ELAPOR2: variants seen among roughly 807,000 people sequenced by gnomAD.
The protein encoded by ELAPOR2 is endosome-lysosome associated apoptosis and autophagy regulator family member 2.
ELAPOR2 carries 89 observed loss-of-function variants against 120.7 expected under a neutral mutation model. The observed-to-expected ratio is 0.74, with a 90% CI of 0.62 to 0.88. ELAPOR2 has a LOEUF of 0.88. Among genes scored for constraint, ELAPOR2 ranks in the 40% least tolerant of loss-of-function variants. The pLI, the probability that ELAPOR2 is intolerant of heterozygous loss-of-function variation, is 0.00. For missense variants in ELAPOR2, 1,134 were observed against 1,251.6 expected (o/e 0.91, Z 1.42); for synonymous variants, 444 against 444.9 (o/e 1.00, Z 0.03).
At position 86,905,411 on chromosome 7, in the gene ELAPOR2, T is replaced by C. The variant is rs1046879266; in HGVS notation, c.2558+2259A>G. Among the ~76,000 whole-genome samples, 4 of 152,052 alleles carry C rather than the reference T, an allele frequency of 2.6e-5. No individual in the cohort carries two copies. In the East Asian group the frequency reaches 7.7e-4, roughly 29 times the overall value. ...GTTCTGATCTCCGAGCTCCCCCTTG[T>C]GCCCTGATGGGAAATTGATTCAAGA... On this transcript the variant is annotated intron_variant, in intron 18 of 21. Coordinates refer to ENST00000450689, the MANE Select transcript of ELAPOR2 (RefSeq NM_001142749.3).
At chr7:86,918,193 A>G (rs1789652680) in intron 12 of ELAPOR2, among the ~76,000 whole-genome samples, 2 of 151,880 alleles carry the variant, frequency 1.3e-5, no homozygotes, top group South Asian at 4.2e-4. Context: ...CCTGGCCTCT[A>G]TCAGTCACCC....
chr7:86,928,164 C>T (rs1485954470), intron 8 of ELAPOR2, among the ~76,000 whole-genome samples: 2 of 151,876 alleles, frequency 1.3e-5, no homozygotes, highest in Non-Finnish European at 2.9e-5. Flanking sequence ...TGAGTTGCAT[C>T]ATGATACACT....
chr7:86,941,271 C>T (rs762084823), intron 5 of ELAPOR2: 11 of 515,688 alleles, frequency 2.1e-5, no homozygotes, highest in Non-Finnish European at 2.4e-5. Context: ...AACTATAAAC[C>T]GGAGTTAGAT....
In ELAPOR2 at chr7:86,893,105, A is replaced by G. The variant is rs768715253; in HGVS notation, c.2686-5T>C. The G allele has an allele frequency of 4.9e-6, 6 of 1,215,554 alleles. 1 individual carries two copies. The South Asian group carries it at 1.0e-4, about 21-fold the overall frequency. 75.3% of individuals were successfully genotyped at this position (1,215,554 alleles called of 1,614,324 possible). ...ATTCCACACATACAAGGTTTCCTTT[A>G]AAAAAAAAAACATAAAACCATAGAA... On this transcript the variant is annotated splice_polypyrimidine_tract_variant and splice_region_variant and intron_variant, in intron 19 of 21. Transcript: ENST00000450689.
intron 2 of ELAPOR2, among the ~76,000 whole-genome samples, chr7:86,956,071 T>C (rs564405135): frequency 6.6e-6 from 1 of 152,250 alleles, no homozygotes; most frequent in South Asian, 2.1e-4. Flanking sequence ...TCCAGCAGTG[T>C]CACTTAGCCA....
chr7:86,960,263 G>C (rs192644369), intron 2 of ELAPOR2, among the ~76,000 whole-genome samples: 71 of 152,152 alleles, frequency 4.7e-4, no homozygotes, highest in Admixed American at 8.5e-4. Flanking sequence ...GTTTTTGTTT[G>C]TTTTTGAGAC....
intron 1 of ELAPOR2, among the ~76,000 whole-genome samples, chr7:87,039,462 A>T (rs951323708): frequency 6.6e-6 from 1 of 152,222 alleles, no homozygotes; most frequent in Non-Finnish European, 1.5e-5. Flanking sequence ...AATAAAAAAA[A>T]CTACAGGCCA....
At chr7:86,988,760 T>C (rs544874184) in intron 1 of ELAPOR2, among the ~76,000 whole-genome samples, 2 of 152,302 alleles carry the variant, frequency 1.3e-5, no homozygotes, top group South Asian at 4.1e-4. Flanking sequence ...CCCTGGAGAA[T>C]CTAAGCAACC....
At chr7:87,035,289 TCCAAAGAA>T (rs1794552037) in intron 1 of ELAPOR2, among the ~76,000 whole-genome samples, 2 of 152,180 alleles carry the variant, frequency 1.3e-5, no homozygotes, top group South Asian at 4.1e-4. Context: ...TTGCAATCCA[TCCAAAGAA>T]GCAGCTCTGC....
chr7:86,975,210 T>A (rs992226810), intron 1 of ELAPOR2, among the ~76,000 whole-genome samples: 73 of 152,308 alleles, frequency 4.8e-4, no homozygotes, highest in African/African-American at 1.8e-3. Flanking sequence ...AAAAAAATTA[T>A]AAAAATTCAA....
chr7:86,914,953 T>A, intron 12 of ELAPOR2, 93 bp from the exon 13 acceptor site: 2 of 1,011,552 alleles, frequency 2.0e-6, no homozygotes, highest in Non-Finnish European at 2.8e-6. Context: ...ATATTTAAAG[T>A]AAACCCATTA....
chr7:86,944,197 A>G (rs928267843), intron 4 of ELAPOR2, among the ~76,000 whole-genome samples: 6 of 152,124 alleles, frequency 3.9e-5, no homozygotes, highest in African/African-American at 1.4e-4. Context: ...ATCTGAGAAC[A>G]TTTGCTCAAG....
At chr7:86,938,688 C>T (rs1790672145) in intron 7 of ELAPOR2, 120 bp downstream of exon 7, 1 of 925,414 alleles carries the variant, frequency 1.1e-6, no homozygotes, top group African/African-American at 1.7e-5. Context: ...TCAATTCACT[C>T]CAGCACTTTG....
chr7:86,900,317 T>C (rs897464820), intron 18 of ELAPOR2, among the ~76,000 whole-genome samples: 1 of 152,166 alleles, frequency 6.6e-6, no homozygotes, highest in Non-Finnish European at 1.5e-5. Flanking sequence ...ACTCGAATGA[T>C]TATGTTTTCC....
At chr7:87,011,124 T>G in intron 1 of ELAPOR2, among the ~76,000 whole-genome samples, 1 of 151,122 alleles carries the variant, frequency 6.6e-6, no homozygotes, top group African/African-American at 2.4e-5. Flanking sequence ...AAAAATTAGC[T>G]GGGCATGGTG....
At chr7:86,918,747 T>C (rs1236714157) in intron 11 of ELAPOR2, among the ~76,000 whole-genome samples, 1 of 152,116 alleles carries the variant, frequency 6.6e-6, no homozygotes, top group Non-Finnish European at 1.5e-5. Flanking sequence ...ACGATGGTAA[T>C]ATGCTTGAAC....
At chr7:86,917,672 CTT>C (rs927827616) in intron 12 of ELAPOR2, among the ~76,000 whole-genome samples, 2 of 152,038 alleles carry the variant, frequency 1.3e-5, no homozygotes, top group Non-Finnish European at 2.9e-5. Context: ...AAAGTGGATA[CTT>C]TTTTTCAGAA....
At chr7:86,883,306 G>A (rs985403028) in intron 21 of ELAPOR2, among the ~76,000 whole-genome samples, 15 of 152,034 alleles carry the variant, frequency 9.9e-5, no homozygotes, top group Non-Finnish European at 2.1e-4. Flanking sequence ...ATAAGGTATG[G>A]CCTTTAGAAC....
At chr7:87,004,379 C>T (rs1029556984) in intron 1 of ELAPOR2, among the ~76,000 whole-genome samples, 3 of 152,142 alleles carry the variant, frequency 2.0e-5, no homozygotes, top group Non-Finnish European at 4.4e-5. Context: ...TTTCTATACA[C>T]GTTACTCATT....
Sources: gnomAD v4.1 joint callset for allele counts (sites outside exome capture counted in the v4.1 genomes callset) on GRCh38, gnomAD v4.1.1 for gene constraint, MANE v1.5 for transcripts, NCBI Gene and HGNC (gene_info 2026-07-23, HGNC 2026-07-21) for gene names.